CACNA1A: variants seen among roughly 807,000 people sequenced by gnomAD.
The protein encoded by CACNA1A is voltage-dependent P/Q-type calcium channel subunit alpha-1A.
Under a neutral mutation model 262.4 loss-of-function variants are expected in CACNA1A, and 57 were observed. The observed-to-expected ratio is 0.22, with a 90% CI of 0.18 to 0.27. The LOEUF (loss-of-function observed/expected upper bound fraction) is 0.27. CACNA1A is among the 10% of genes least tolerant of loss of function. CACNA1A has a pLI of 1.00. For synonymous variants in CACNA1A, 1,431 were observed against 1,419.3 expected, an observed-to-expected ratio of 1.01 and a Z score of -0.18; for missense variants, 2,526 against 3,562.8, an observed-to-expected ratio of 0.71 and a Z score of 7.41.
At chr19:13,497,901 T>C (rs1981879798) in intron 1 of CACNA1A, among the ~76,000 whole-genome samples, 1 of 151,950 alleles carries the variant, frequency 6.6e-6, no homozygotes, top group Non-Finnish European at 1.5e-5. Context: ...GCTCCACAAC[T>C]GTGAGCTGGA....
At chr19:13,316,552 T>TAAAAAAAA (rs74266770) in intron 11 of CACNA1A, 1 of 119,162 alleles carries the variant, frequency 8.4e-6, no homozygotes, top group African/African-American at 3.2e-5. Context: ...TAACTGTGGT[T>TAAAAAAAA]AAAAAAAAAA....
At chr19:13,432,914 T>C (rs2060539590) in intron 3 of CACNA1A, among the ~76,000 whole-genome samples, 1 of 151,884 alleles carries the variant, frequency 6.6e-6, no homozygotes, top group African/African-American at 2.4e-5. Context: ...ATCCTAGCAC[T>C]TTGGGAGGCT....
Position 13,212,204 on chromosome 19 carries a change from G to T in CACNA1A, c.6202C>A (p.Arg2068=). The change falls in exon 43 of 47, where the codon CGA becomes AGA. Residue 2068 remains arginine (R), a synonymous_variant. Transcript: ENST00000360228. This position sits in a 1 kb window ranked among gnomAD's most constrained non-coding sequence, Gnocchi z 5.6. The part of the protein sequence containing the change: ...SQPNSQSVEM[R]EMGRDGYSDS... ...GAGTAGCCATCTCTGCCCATCTCTC[G>T]CATCTCCACGGACTGCGGAGCAGAT... 1.2e-6 allele frequency: 2 copies of T among 1,613,724 alleles called. No individual in the cohort carries two copies. The highest frequency in any genetic ancestry group is 2.2e-5 in the East Asian group (1 of 44,872).
intron 19 of CACNA1A, among the ~76,000 whole-genome samples, chr19:13,297,936 T>C (rs908425384): frequency 2.0e-5 from 3 of 151,930 alleles, no homozygotes; most frequent in African/African-American, 7.2e-5. Flanking sequence ...GTTCAACTGA[T>C]TCTCCCGCCT....
intron 8 of CACNA1A, chr19:13,334,112 C>G: frequency 2.3e-6 from 1 of 440,790 alleles, no homozygotes; most frequent in Non-Finnish European, 4.1e-6. Context: ...ATGTGTGGTG[C>G]ATGGGTAAAA....
intron 6 of CACNA1A, among the ~76,000 whole-genome samples, chr19:13,336,896 G>T (rs1340270185): frequency 1.3e-5 from 2 of 152,230 alleles, no homozygotes; most frequent in East Asian, 3.8e-4. Flanking sequence ...CCTCTGTGCT[G>T]GGAAGCCTTG....
chr19:13,228,351 G>C (rs542553023), intron 36 of CACNA1A, among the ~76,000 whole-genome samples: 1 of 151,926 alleles, frequency 6.6e-6, no homozygotes, highest in East Asian at 1.9e-4. Context: ...GAGGGGGAGA[G>C]AGTGGAGGTG....
intron 12 of CACNA1A, among the ~76,000 whole-genome samples, chr19:13,310,813 C>T (rs1314819663): frequency 4.0e-5 from 6 of 148,688 alleles, no homozygotes; most frequent in South Asian, 4.2e-4. Context: ...TTTTTTGAGA[C>T]GGAGTCTCAT....
chr19:13,450,774 A>C (rs2060901667), intron 3 of CACNA1A: 1 of 152,170 alleles, frequency 6.6e-6, no homozygotes, highest in African/African-American at 2.4e-5. Flanking sequence ...CTCTCTCTCC[A>C]GCCTCCTGAG....
chr19:13,227,772 G>C, intron 36 of CACNA1A: 1 of 264,258 alleles, frequency 3.8e-6, no homozygotes. Flanking sequence ...TCACTGCTCG[G>C]GAGCAGGGAG....
At chr19:13,355,128 G>A (rs1241893807) in intron 6 of CACNA1A, among the ~76,000 whole-genome samples, 1 of 151,964 alleles carries the variant, frequency 6.6e-6, no homozygotes, top group African/African-American at 2.4e-5. Flanking sequence ...TGCCTGCCTC[G>A]GCCTCCCAAA....
At chr19:13,417,764 C>A (rs2060248323) in intron 3 of CACNA1A, among the ~76,000 whole-genome samples, 1 of 151,816 alleles carries the variant, frequency 6.6e-6, no homozygotes, top group African/African-American at 2.4e-5. Context: ...GTGGTGTGTG[C>A]CTATAATCCC....
At chr19:13,485,204 T>C (rs910243853) in intron 1 of CACNA1A, among the ~76,000 whole-genome samples, 1 of 152,190 alleles carries the variant, frequency 6.6e-6, no homozygotes, top group Non-Finnish European at 1.5e-5. Flanking sequence ...AAAAGGAAAT[T>C]GGACCCCTAC....
intron 1 of CACNA1A, among the ~76,000 whole-genome samples, chr19:13,462,252 C>T (rs2061136625): frequency 6.6e-6 from 1 of 152,104 alleles, no homozygotes; most frequent in South Asian, 2.1e-4. Context: ...TCTTTGTGAC[C>T]TTGTCTCCAC....
intron 34 of CACNA1A, among the ~76,000 whole-genome samples, chr19:13,232,070 T>C (rs1393061785): frequency 6.6e-6 from 1 of 152,078 alleles, no homozygotes; most frequent in Non-Finnish European, 1.5e-5. Flanking sequence ...TTTGAAAAAA[T>C]ACCAATGCCC....
chr19:13,402,893 T>C (rs74402840), intron 3 of CACNA1A, among the ~76,000 whole-genome samples: 9,404 of 128,524 alleles, frequency 0.073, 663 homozygotes, highest in East Asian at 0.27. Context: ...TATATATATA[T>C]ATATATATAT....
At chr19:13,475,360 C>T (rs1485565027) in intron 1 of CACNA1A, among the ~76,000 whole-genome samples, 1 of 152,166 alleles carries the variant, frequency 6.6e-6, no homozygotes. Flanking sequence ...CCAGCACTTA[C>T]TTTGAGAGAG....
rs762951690 is a variant in CACNA1A at position 13,365,477 on chromosome 19, G to C, written c.632-8C>G. On this transcript the variant is annotated splice_polypyrimidine_tract_variant and splice_region_variant and intron_variant, in intron 4 of 46. Coordinates refer to ENST00000360228, the MANE Select transcript of CACNA1A (RefSeq NM_001127222.2). ...TCAGGACGACTTGTAAACCTGGGGGGACACAGAGAGAGGCCCCATAAGCCC... is the reference window on the plus strand; with the variant it reads ...TCAGGACGACTTGTAAACCTGGGGGCACACAGAGAGAGGCCCCATAAGCCC... 2.5e-6 allele frequency: 4 copies of C among 1,612,682 alleles called. No homozygotes were observed. The highest frequency in any genetic ancestry group is 3.4e-6 in the Non-Finnish European group (4 of 1,179,130).
intron 3 of CACNA1A, among the ~76,000 whole-genome samples, chr19:13,437,769 C>A (rs895669103): frequency 2.0e-5 from 3 of 151,608 alleles, no homozygotes; most frequent in African/African-American, 7.3e-5. Flanking sequence ...CACATAGACA[C>A]CCAACCAGCC....
Sources: gnomAD v4.1 joint callset for allele counts (sites outside exome capture counted in the v4.1 genomes callset) on GRCh38, gnomAD v4.1.1 for gene constraint, Gnocchi (gnomAD v3.1) non-coding constraint, MANE v1.5 for transcripts, NCBI Gene and HGNC (gene_info 2026-07-23, HGNC 2026-07-21) for gene names.